The following MPP7 variants were observed in gnomAD, a reference collection of about 807,000 sequenced individuals.
MPP7 encodes MAGUK p55 scaffold protein 7, also known as MAGUK p55 subfamily member 7.
Under a neutral mutation model 76.5 loss-of-function variants are expected in MPP7, and 60 were observed. The observed-to-expected ratio is 0.78, with a 90% CI of 0.64 to 0.97. MPP7 has a LOEUF of 0.97. Among genes scored for constraint, MPP7 ranks in the 50% least tolerant of loss-of-function variants. The pLI is 0.00. For missense variants in MPP7, 641 were observed against 694.0 expected, an observed-to-expected ratio of 0.92 and a Z score of 0.86; for synonymous variants, 237 against 244.5, an observed-to-expected ratio of 0.97 and a Z score of 0.29.
At chr10:28,084,691 T>C (rs1459414791) in intron 12 of MPP7, among the ~76,000 whole-genome samples, 1 of 152,196 alleles carries the variant, frequency 6.6e-6, no homozygotes. Context: ...CTGAAGGCAG[T>C]AGACAGATTA....
intron 2 of MPP7, among the ~76,000 whole-genome samples, chr10:28,315,551 G>A (rs1048572297): frequency 1.3e-5 from 2 of 152,258 alleles, no homozygotes; most frequent in East Asian, 1.9e-4. Context: ...TTGAGTTTGC[G>A]TCTCCTGAAC....
chr10:28,087,587 G>A (rs1311290473), intron 12 of MPP7, among the ~76,000 whole-genome samples: 1 of 152,064 alleles, frequency 6.6e-6, no homozygotes, highest in Non-Finnish European at 1.5e-5. Flanking sequence ...GTAGAGACAG[G>A]GTCTTGCCAT....
chr10:28,082,475 T>C (rs1004246951), intron 12 of MPP7, among the ~76,000 whole-genome samples: 1 of 151,660 alleles, frequency 6.6e-6, no homozygotes, highest in South Asian at 2.1e-4. Flanking sequence ...TCCTCCTCCT[T>C]CTTCTTTTAG....
intron 2 of MPP7, among the ~76,000 whole-genome samples, chr10:28,315,233 GAGGA>G (rs1834307331): frequency 7.2e-6 from 1 of 139,618 alleles, no homozygotes; most frequent in Non-Finnish European, 1.6e-5. Flanking sequence ...GGGAGGGAGG[GAGGA>G]AGGGAGAAAG....
chr10:28,334,402 C>T (rs1030143094), intron 1 of MPP7: 4 of 152,174 alleles, frequency 2.6e-5, no homozygotes, highest in African/African-American at 9.7e-5. Flanking sequence ...CTCCCCATCA[C>T]CACTAAATAC....
At chr10:28,140,111 T>C (rs567573742) in intron 5 of MPP7, among the ~76,000 whole-genome samples, 1 of 152,298 alleles carries the variant, frequency 6.6e-6, no homozygotes, top group East Asian at 1.9e-4. Flanking sequence ...ACAATGTCCA[T>C]GGAAGGTGAC....
intron 3 of MPP7, among the ~76,000 whole-genome samples, chr10:28,188,549 T>C (rs2080879622): frequency 6.6e-6 from 1 of 152,166 alleles, no homozygotes; most frequent in African/African-American, 2.4e-5. Flanking sequence ...CATGAGATCA[T>C]CTACTGAGGA....
At chr10:28,279,541 A>T (rs1840605010) in intron 1 of MPP7, among the ~76,000 whole-genome samples, 1 of 151,696 alleles carries the variant, frequency 6.6e-6, no homozygotes, top group Admixed American at 6.6e-5. Flanking sequence ...CCCCATCTCT[A>T]CTAAAATACA....
intron 3 of MPP7, among the ~76,000 whole-genome samples, chr10:28,169,208 T>C (rs1410258112): frequency 6.6e-6 from 1 of 152,076 alleles, no homozygotes; most frequent in Non-Finnish European, 1.5e-5. Flanking sequence ...ATTAAACCAC[T>C]AGCCAGGCAT....
intron 1 of MPP7, among the ~76,000 whole-genome samples, chr10:28,290,597 C>T (rs573164778): frequency 6.6e-6 from 1 of 152,252 alleles, no homozygotes; most frequent in South Asian, 2.1e-4. Flanking sequence ...CTCGGCCTCC[C>T]GAGTAGCTGG....
chr10:28,289,556 G>A (rs562270917), intron 1 of MPP7, among the ~76,000 whole-genome samples: 27 of 152,182 alleles, frequency 1.8e-4, no homozygotes, highest in African/African-American at 5.1e-4. Flanking sequence ...ATTTTTTTGC[G>A]TGTTTAAGAG....
At chr10:28,322,269 A>G (rs1834375391) in intron 2 of MPP7, among the ~76,000 whole-genome samples, 1 of 152,198 alleles carries the variant, frequency 6.6e-6, no homozygotes, top group Non-Finnish European at 1.5e-5. Context: ...TTATCCATAT[A>G]AAAGCTGGAT....
rs1278973122 is a variant in MPP7 at position 28,333,859 on chromosome 10, C to T, written c.-206+559G>A. Among the ~76,000 whole-genome samples, 4 of 152,048 alleles carry T rather than the reference C, an allele frequency of 2.6e-5. No homozygotes were observed. In the East Asian group the frequency reaches 5.8e-4, roughly 22 times the overall value. On this transcript the variant is annotated intron_variant, in intron 1 of 11. Coordinates refer to the MPP7 transcript ENST00000441595. Reference sequence around the variant, plus strand: ...CCCAGATGTAGATGAAAAATTTGGGCCGAGAAATTTTTGTATGGGCTGCAC... The same window carrying T: ...CCCAGATGTAGATGAAAAATTTGGGTCGAGAAATTTTTGTATGGGCTGCAC...
At chr10:28,103,839 G>T (rs1025740862) in intron 11 of MPP7, among the ~76,000 whole-genome samples, 1 of 152,016 alleles carries the variant, frequency 6.6e-6, no homozygotes, top group Non-Finnish European at 1.5e-5. Flanking sequence ...GTTCTCTCTC[G>T]AGAGAAGCCA....
At chr10:28,260,716 G>T (rs985255092) in intron 1 of MPP7, among the ~76,000 whole-genome samples, 2 of 141,142 alleles carry the variant, frequency 1.4e-5, no homozygotes, top group South Asian at 4.5e-4. Flanking sequence ...AGGTTGCAGT[G>T]AGCCAAGATT....
chr10:28,262,078 G>C (rs1325311605), intron 1 of MPP7, among the ~76,000 whole-genome samples: 2 of 150,012 alleles, frequency 1.3e-5, no homozygotes, highest in Non-Finnish European at 3.0e-5. Flanking sequence ...TTGAACTTGG[G>C]ACCAGAGGTT....
intron 3 of MPP7, among the ~76,000 whole-genome samples, chr10:28,170,368 C>T (rs1836639900): frequency 1.3e-5 from 2 of 151,506 alleles, no homozygotes. Context: ...TGGGGTCTTG[C>T]TATGTTGCCC....
At chr10:28,071,640 T>C (rs1034152448) in intron 12 of MPP7, among the ~76,000 whole-genome samples, 10 of 152,116 alleles carry the variant, frequency 6.6e-5, no homozygotes, top group African/African-American at 2.2e-4. Context: ...AAAAATAATA[T>C]ATGAAAGGAG....
At chr10:28,206,027 C>G (rs1233348236) in intron 2 of MPP7, among the ~76,000 whole-genome samples, 1 of 152,152 alleles carries the variant, frequency 6.6e-6, no homozygotes, top group Non-Finnish European at 1.5e-5. Context: ...TCATCAGATT[C>G]TGGTTCCTCG....
Sources: allele counts gnomAD v4.1 joint callset (sites outside exome capture counted in the v4.1 genomes callset), GRCh38; gene constraint gnomAD v4.1.1; transcripts MANE v1.5; gene names NCBI Gene and HGNC (gene_info 2026-07-23, HGNC 2026-07-21).